The following ACVR2A variants were observed in gnomAD, a reference collection of about 807,000 sequenced individuals.
The protein encoded by ACVR2A is activin receptor type-2A.
In ACVR2A, 7 loss-of-function variants were observed where a neutral mutation model predicts 61.4. The observed-to-expected ratio is 0.11, with a 90% confidence interval of 0.06 to 0.21. The LOEUF is 0.21. Ranked by LOEUF, ACVR2A falls within the 10% of genes least tolerant of loss-of-function variation. The pLI is 1.00. For synonymous variants in ACVR2A, 193 were observed against 208.3 expected, an observed-to-expected ratio of 0.93 and a Z score of 0.63; for missense variants, 322 against 621.7, an observed-to-expected ratio of 0.52 and a Z score of 5.13.
intron 1 of ACVR2A, among the ~76,000 whole-genome samples, chr2:147,874,717 G>T (rs542548635): frequency 2.8e-4 from 43 of 152,052 alleles, no homozygotes; most frequent in African/African-American, 1.0e-3. Flanking sequence ...GATCTGGTTT[G>T]GTTCAAGATG....
At chr2:147,856,169 A>G (rs189451452) in intron 1 of ACVR2A, among the ~76,000 whole-genome samples, 185 of 152,276 alleles carry the variant, frequency 1.2e-3, no homozygotes, top group African/African-American at 3.6e-3. Flanking sequence ...AAAGATTTCA[A>G]TCCTCTCCTG....
At chr2:147,914,912 A>T (rs1341261043) in intron 4 of ACVR2A, among the ~76,000 whole-genome samples, 1 of 151,982 alleles carries the variant, frequency 6.6e-6, no homozygotes, top group African/African-American at 2.4e-5. Context: ...GGGGAATATT[A>T]CTGAGACTGA....
intron 2 of ACVR2A, chr2:147,898,310 AAAG>A (rs1686793132): frequency 6.6e-6 from 1 of 152,058 alleles, no homozygotes; most frequent in South Asian, 2.1e-4. Flanking sequence ...GAAAATGATA[AAAG>A]AAGAATGAAA....
At chr2:147,923,134 A>C in intron 9 of ACVR2A, 23 bp downstream of exon 9, 1 of 1,598,246 alleles carries the variant, frequency 6.3e-7, no homozygotes, top group Non-Finnish European at 8.5e-7. Context: ...AATATTTTTA[A>C]AAAAGATATA....
At chr2:147,844,751 C>CGGCA (rs1452527381), upstream of ACVR2A, 1 of 146,068 alleles carries the variant, frequency 6.8e-6, no homozygotes, top group African/African-American at 2.6e-5. Context: ...ACTGTCCGGG[C>CGGCA]GGCAGCGGAC....
intron 1 of ACVR2A, among the ~76,000 whole-genome samples, chr2:147,846,274 G>A (rs1685312223): frequency 6.6e-6 from 1 of 150,602 alleles, no homozygotes; most frequent in Non-Finnish European, 1.5e-5. Flanking sequence ...ATAGAATTAC[G>A]GGGGACTCTT....
intron 1 of ACVR2A, among the ~76,000 whole-genome samples, chr2:147,860,552 T>A (rs1685703694): frequency 6.6e-6 from 1 of 152,224 alleles, no homozygotes; most frequent in Non-Finnish European, 1.5e-5. Context: ...TCATAATATA[T>A]GTCTTTTAAG....
intron 8 of ACVR2A, among the ~76,000 whole-genome samples, chr2:147,921,981 G>C (rs1426894622): frequency 5.9e-5 from 9 of 152,038 alleles, no homozygotes; most frequent in African/African-American, 1.4e-4. Flanking sequence ...ATATAAAAGA[G>C]GGAACATTTT....
rs1158821330 is a variant in ACVR2A, at chr2:147,891,516, C to CA, written c.56-4772dup. ...TGATTTTTATATTTTTAGATGGTAG[C>CA]AAAAAAAAAAAAATCCAAAAAAAGA... On this transcript the variant is annotated intron_variant, in intron 1 of 10. Transcript: ENST00000241416. Among the ~76,000 whole-genome samples the CA allele has an allele frequency of 7.6e-3, 839 of 111,118 alleles. 2 individuals carry two copies. Among genetic ancestry groups the CA allele is most frequent in the African/African-American group, 0.015 (447 of 29,536 alleles). 72.9% of individuals were successfully genotyped at this position (111,118 alleles called of 152,430 possible).
At chr2:147,877,025 T>C (rs1241038383) in intron 1 of ACVR2A, among the ~76,000 whole-genome samples, 1 of 135,284 alleles carries the variant, frequency 7.4e-6, no homozygotes, top group African/African-American at 2.7e-5. Context: ...TCTATTCTTT[T>C]ACTTTCTTCT....
intron 1 of ACVR2A, among the ~76,000 whole-genome samples, chr2:147,860,539 A>G (rs1288670955): frequency 6.6e-6 from 1 of 152,224 alleles, no homozygotes; most frequent in African/African-American, 2.4e-5. Flanking sequence ...AAGTACTTAA[A>G]AATCATAATA....
chr2:147,901,451 A>C (rs961374560), intron 4 of ACVR2A, among the ~76,000 whole-genome samples: 8 of 152,092 alleles, frequency 5.3e-5, no homozygotes, highest in Admixed American at 2.0e-4. Flanking sequence ...TTTATATCCT[A>C]TGTATGTGGT....
chr2:147,845,295 G>A (rs2105123692), intron 1 of ACVR2A, 88 bp downstream of exon 1: 1 of 1,244,712 alleles, frequency 8.0e-7, no homozygotes, highest in South Asian at 1.3e-5. Context: ...GAGTCGGAGA[G>A]TCCAGTGGAG....
At chr2:147,917,759 C>T (rs967051823) in intron 6 of ACVR2A, among the ~76,000 whole-genome samples, 2 of 151,800 alleles carry the variant, frequency 1.3e-5, no homozygotes, top group African/African-American at 2.4e-5. Flanking sequence ...ATTTTGATTA[C>T]GTGAACCATT....
chr2:147,845,243 CTGCGGCCGCGGCGGCCGCTGCT>C (rs1351095647), intron 1 of ACVR2A, 36 bp downstream of exon 1: 6 of 1,600,186 alleles, frequency 3.7e-6, no homozygotes, highest in Non-Finnish European at 5.1e-6. Flanking sequence ...GGGGCTGCTC[CTGCGGCCGCGGCGGCCGCTGCT>C]GGGGGCCGCG....
At position 147,929,549 on chromosome 2, in the gene ACVR2A, A is replaced by G. The variant is rs911519721; in HGVS notation, c.*2275A>G. 3 of 152,426 alleles carry G rather than the reference A, an allele frequency of 2.0e-5. No individual in the cohort carries two copies. The South Asian group carries it at 6.2e-4, about 32-fold the overall frequency. The allele number at this position is 152,426 out of a possible 1,614,324, so 9.4% of individuals were successfully genotyped here. A position where few individuals can be genotyped will look rare whatever the true frequency, so the allele number is the denominator to read the frequency against. On this transcript the variant is annotated 3_prime_UTR_variant, in exon 11 of 11. Transcript: ENST00000241416. The stretch of plus-strand genomic sequence containing the variant: ...GTAGCTAACCAATTTTAAAACTTGT[A>G]TTCTTTTGAGAACTATTATTAATAG...
At chr2:147,904,208 G>A (rs1558809140) in intron 4 of ACVR2A, among the ~76,000 whole-genome samples, 2 of 151,942 alleles carry the variant, frequency 1.3e-5, no homozygotes, top group African/African-American at 4.8e-5. Flanking sequence ...TTTATAATAT[G>A]CATTGAGTAA....
intron 1 of ACVR2A, among the ~76,000 whole-genome samples, chr2:147,884,764 G>A (rs1285506733): frequency 6.6e-6 from 1 of 152,164 alleles, no homozygotes; most frequent in Non-Finnish European, 1.5e-5. Flanking sequence ...TGGCCTTTCA[G>A]CATAGATATT....
At chr2:147,910,866 C>T (rs1480493699) in intron 4 of ACVR2A, among the ~76,000 whole-genome samples, 1 of 152,100 alleles carries the variant, frequency 6.6e-6, no homozygotes, top group Non-Finnish European at 1.5e-5. Context: ...AATATTCTGT[C>T]ACTATGTTTT....
Sources: allele counts gnomAD v4.1 joint callset (sites outside exome capture counted in the v4.1 genomes callset), GRCh38; gene constraint gnomAD v4.1.1; transcripts MANE v1.5; gene names NCBI Gene and HGNC (gene_info 2026-07-23, HGNC 2026-07-21).